COL5A1: variants seen among roughly 807,000 people sequenced by gnomAD.
COL5A1 encodes collagen alpha-1(V) chain.
A neutral mutation model predicts 263.7 loss-of-function variants in COL5A1; 16 were observed. The observed-to-expected ratio is 0.06, with a 90% CI of 0.04 to 0.09. The LOEUF (loss-of-function observed/expected upper bound fraction) is 0.09. COL5A1 is among the 10% of genes least tolerant of loss of function. COL5A1 has a pLI of 1.00. For missense variants in COL5A1, 2,036 were observed against 2,540.5 expected (o/e 0.80, Z 4.27); for synonymous variants, 1,012 against 1,004.5 (o/e 1.01, Z -0.14).
Position 134,647,715 on chromosome 9 carries a change from G to A in COL5A1, c.109+5419G>A, listed in dbSNP as rs1025528793. ...GGGCAAGCCGGGTCCAGCTGGATCC[G>A]ACAATTTCATGTCTTTTTAAACTCC... On this transcript the variant is annotated intron_variant, in intron 1 of 65. Transcript: ENST00000371817. This position sits in a 1 kb window ranked among gnomAD's most constrained non-coding sequence, Gnocchi z 5.0. Among the ~76,000 whole-genome samples, 8 of 152,178 alleles carry A rather than the reference G, an allele frequency of 5.3e-5. No individual in the cohort carries two copies. The highest frequency in any genetic ancestry group is 1.4e-4 in the African/African-American group (6 of 41,438).
intron 43 of COL5A1, among the ~76,000 whole-genome samples, 161 bp from the exon 44 acceptor site, chr9:134,810,094 G>C (rs536527909): frequency 1.4e-4 from 21 of 152,340 alleles, no homozygotes; most frequent in African/African-American, 5.1e-4. Context: ...TATTAAAAAG[G>C]AAATCAAGCT....
Position 134,754,396 on chromosome 9 carries a change from C to G in COL5A1, c.1827+70C>G. On this transcript the variant is annotated intron_variant, in intron 16 of 65. Coordinates refer to ENST00000371817, the MANE Select transcript of COL5A1 (RefSeq NM_000093.5). This position sits in a 1 kb window ranked among gnomAD's most constrained non-coding sequence, Gnocchi z 4.3. ...GCTGGAGGAGCCCAAATCTGGGGTGCGGGCACCCCCAACAGCCAGCTGGGC... is the reference window on the plus strand; with the variant it reads ...GCTGGAGGAGCCCAAATCTGGGGTGGGGGCACCCCCAACAGCCAGCTGGGC... The G allele has an allele frequency of 6.4e-7, 1 of 1,566,096 alleles. No homozygotes were observed. Among genetic ancestry groups the G allele is most frequent in the Non-Finnish European group, 8.8e-7 (1 of 1,137,450 alleles).
rs551820145 is a variant in COL5A1, at chr9:134,729,347, T to C, written c.924+540T>C. On this transcript the variant is annotated intron_variant, in intron 6 of 65. Coordinates refer to ENST00000371817, the MANE Select transcript of COL5A1 (RefSeq NM_000093.5). ...AGGGCCCGGGCCCCGTGCAGGAGTG[T>C]GTATGGGTGGGTGTCCTCCTGGGGA... is the stretch of plus-strand genomic sequence containing the variant. 4.5e-3 allele frequency among the ~76,000 whole-genome samples: 689 copies of C among 151,918 alleles called. 5 individuals carry two copies. Among genetic ancestry groups the C allele is most frequent in the Middle Eastern group, 0.017 (5 of 294 alleles).
At position 134,738,790 on chromosome 9, in the gene COL5A1, C is replaced by T. The variant is rs141093527; in HGVS notation, c.1476C>T (p.Val492=). The change falls in exon 11 of 66, where the codon GTC becomes GTT. Residue 492 remains valine (V), a synonymous_variant. Coordinates refer to ENST00000371817, the MANE Select transcript of COL5A1 (RefSeq NM_000093.5). ...PPGTMGPTGQ[V]GDPGERGPPG... ...GAACCATGGGTCCCACTGGCCAAGT[C>T]GGGGACCCTGGAGAAAGGGTAAGAG... 2.2e-4 allele frequency: 352 copies of T among 1,613,678 alleles called. No homozygotes were observed. Among genetic ancestry groups the T allele is most frequent in the African/African-American group, 3.1e-4 (23 of 75,030 alleles).
Position 134,677,493 on chromosome 9 carries a change from A to G in COL5A1, c.110-13419A>G, listed in dbSNP as rs140123866. On this transcript the variant is annotated intron_variant, in intron 1 of 65. Coordinates refer to ENST00000371817, the MANE Select transcript of COL5A1 (RefSeq NM_000093.5). This position sits in a 1 kb window ranked among gnomAD's most constrained non-coding sequence, Gnocchi z 4.4. ...TCCAGTAGAGAGAGGCCATGTGCAAATGCTCAGGTTCGTGGAGCCAGGCTC... is the reference window on the plus strand; with the variant it reads ...TCCAGTAGAGAGAGGCCATGTGCAAGTGCTCAGGTTCGTGGAGCCAGGCTC... Among the ~76,000 whole-genome samples the G allele has an allele frequency of 6.6e-6, 1 of 152,296 alleles. No individual in the cohort carries two copies. Among genetic ancestry groups the G allele is most frequent in the Non-Finnish European group, 1.5e-5 (1 of 68,024 alleles).
At chr9:134,729,266 G>A (rs1420340103) in intron 6 of COL5A1, among the ~76,000 whole-genome samples, 2 of 152,196 alleles carry the variant, frequency 1.3e-5, no homozygotes, top group Non-Finnish European at 2.9e-5. Context: ...CTCTGAAATT[G>A]GGGAGGGTTG....
chr9:134,728,846 T>C, intron 6 of COL5A1, 39 bp downstream of exon 6: 1 of 1,613,178 alleles, frequency 6.2e-7, no homozygotes. Flanking sequence ...GCTGGGCCCC[T>C]CGAGGCCATG....
At chr9:134,721,631 C>T (rs1240306287) in intron 4 of COL5A1, among the ~76,000 whole-genome samples, 1 of 152,176 alleles carries the variant, frequency 6.6e-6, no homozygotes. Flanking sequence ...TCTGCTTCAG[C>T]TCCTCCTCCG....
At position 134,700,313 on chromosome 9, in the gene COL5A1, T is replaced by C. The variant is rs1480066927; in HGVS notation, c.491+191T>C. ...CCTGGGTTATGGTCTTGATTCATCC[T>C]CTGTGGCTCTGGGGAGTCACTTCTC... is the stretch of plus-strand genomic sequence containing the variant. On this transcript the variant is annotated intron_variant, in intron 3 of 65. Coordinates refer to ENST00000371817, the MANE Select transcript of COL5A1 (RefSeq NM_000093.5). This position sits in a 1 kb window ranked among gnomAD's most constrained non-coding sequence, Gnocchi z 4.0. Among the ~76,000 whole-genome samples the C allele has an allele frequency of 6.6e-6, 1 of 152,218 alleles. No homozygotes were observed. The highest frequency in any genetic ancestry group is 1.5e-5 in the Non-Finnish European group (1 of 68,032).
intron 1 of COL5A1, among the ~76,000 whole-genome samples, chr9:134,657,235 A>G (rs991111285): frequency 2.8e-3 from 5 of 1,772 alleles, no homozygotes; most frequent in Admixed American, 6.7e-3. Context: ...TAGATAATAT[A>G]GGGGTCGGGG....
intron 37 of COL5A1, among the ~76,000 whole-genome samples, chr9:134,798,758 G>C (rs1297022918): frequency 1.3e-5 from 2 of 152,264 alleles, no homozygotes; most frequent in Admixed American, 1.3e-4. Context: ...CACATTTAAA[G>C]ACACACACAG....
intron 24 of COL5A1, 41 bp downstream of exon 24, chr9:134,767,395 G>T: frequency 6.3e-7 from 1 of 1,598,748 alleles, no homozygotes; most frequent in South Asian, 1.1e-5. Flanking sequence ...CTGCCCGCCT[G>T]CAGGTGGATT....
At chr9:134,823,568 C>A in intron 61 of COL5A1, 99 bp downstream of exon 61, 1 of 1,263,964 alleles carries the variant, frequency 7.9e-7, no homozygotes, top group South Asian at 1.2e-5. Flanking sequence ...TCCTGAGACT[C>A]ATGAAGCCCA....
At position 134,750,466 on chromosome 9, in the gene COL5A1, A is replaced by G. The variant is rs1835735999; in HGVS notation, c.1495-76A>G. 2.9e-6 allele frequency: 4 copies of G among 1,369,612 alleles called. No homozygotes were observed. In the South Asian group the frequency reaches 4.6e-5, roughly 16 times the overall value. 84.8% of individuals were successfully genotyped at this position (1,369,612 alleles called of 1,614,324 possible). The stretch of plus-strand genomic sequence containing the variant: ...ATTTCCCGGGTGGGCCGCTTCTCCG[A>G]CGCCCTCATTCTCGCTGCAGCCCAG... On this transcript the variant is annotated intron_variant, in intron 11 of 65. Coordinates refer to ENST00000371817, the MANE Select transcript of COL5A1 (RefSeq NM_000093.5).
chr9:134,826,519 CACATGTGGATGA>C (rs1314062371), intron 63 of COL5A1, among the ~76,000 whole-genome samples: 5 of 150,942 alleles, frequency 3.3e-5, no homozygotes, highest in African/African-American at 1.2e-4. Flanking sequence ...GGTGTGTGGG[CACATGTGGATGA>C]GTGTGTGGAT....
chr9:134,752,225 C>G (rs535429280), intron 13 of COL5A1, among the ~76,000 whole-genome samples: 1 of 151,230 alleles, frequency 6.6e-6, no homozygotes, highest in African/African-American at 2.5e-5. Context: ...AATGTACTCC[C>G]TATGCCCAGA....
chr9:134,819,850 G>T (rs1164199414), intron 57 of COL5A1, among the ~76,000 whole-genome samples: 2 of 152,226 alleles, frequency 1.3e-5, no homozygotes, highest in African/African-American at 4.8e-5. Context: ...TTACCACTCA[G>T]GAAAACCCCT....
chr9:134,733,390 G>A (rs1311888373), intron 9 of COL5A1, among the ~76,000 whole-genome samples: 1 of 152,212 alleles, frequency 6.6e-6, no homozygotes, highest in Non-Finnish European at 1.5e-5. Context: ...GCCTATGGAA[G>A]CGTCTGGATG....
chr9:134,816,106 A>G (rs1838734963), intron 52 of COL5A1, 118 bp downstream of exon 52: 2 of 892,306 alleles, frequency 2.2e-6, no homozygotes, highest in Non-Finnish European at 3.8e-6. Flanking sequence ...TGATTCCTTT[A>G]TGATATCGAT....
Sources: allele counts gnomAD v4.1 joint callset (sites outside exome capture counted in the v4.1 genomes callset), GRCh38; gene constraint gnomAD v4.1.1; non-coding constraint Gnocchi (gnomAD v3.1); transcripts MANE v1.5; gene names NCBI Gene and HGNC (gene_info 2026-07-23, HGNC 2026-07-21).